Variants in NIPAL2 observed in about 807,000 individuals in gnomAD.
NIPAL2 encodes the protein NIPA-like protein 2.
Under a neutral mutation model 48.9 loss-of-function variants are expected in NIPAL2, and 43 were observed. The observed-to-expected ratio is 0.88, with a 90% CI of 0.69 to 1.13. NIPAL2 has a LOEUF of 1.13. Among genes scored for constraint, NIPAL2 ranks in the 50% most tolerant of loss-of-function variants. The probability of loss-of-function intolerance (pLI) is 0.00; values close to 1 mark genes in which losing one functional copy is unlikely to be tolerated. For synonymous variants in NIPAL2, 167 were observed against 174.6 expected, an observed-to-expected ratio of 0.96 and a Z score of 0.34; for missense variants, 446 against 461.4, an observed-to-expected ratio of 0.97 and a Z score of 0.31.
intron 1 of NIPAL2, among the ~76,000 whole-genome samples, chr8:98,276,534 C>T (rs567534905): frequency 6.6e-6 from 1 of 152,244 alleles, no homozygotes; most frequent in South Asian, 2.1e-4. Context: ...CATCCATGTG[C>T]AGGCTTTTGT....
chr8:98,207,077 C>T (rs1489052975), intron 6 of NIPAL2, among the ~76,000 whole-genome samples: 1 of 152,164 alleles, frequency 6.6e-6, no homozygotes, highest in Non-Finnish European at 1.5e-5. Flanking sequence ...GAAATTAGAA[C>T]ACAGTGTGAT....
chr8:98,262,077 C>G (rs1309064544), intron 1 of NIPAL2, among the ~76,000 whole-genome samples: 2 of 139,810 alleles, frequency 1.4e-5, no homozygotes, highest in Non-Finnish European at 1.5e-5. Flanking sequence ...CAAGCAAATG[C>G]TGAGAGATTT....
chr8:98,221,794 A>C, intron 5 of NIPAL2, among the ~76,000 whole-genome samples: 1 of 152,184 alleles, frequency 6.6e-6, no homozygotes, highest in Admixed American at 6.5e-5. Flanking sequence ...AGGAAACAAC[A>C]AATGCTGGAG....
chr8:98,227,084 G>A (rs1812215018), intron 4 of NIPAL2, among the ~76,000 whole-genome samples: 1 of 152,056 alleles, frequency 6.6e-6, no homozygotes, highest in African/African-American at 2.4e-5. Flanking sequence ...GGTGACATAA[G>A]GCCCAAAGGC....
Position 98,288,402 on chromosome 8 carries a change from G to C in NIPAL2, c.135+5601C>G, listed in dbSNP as rs1163023738. Among the ~76,000 whole-genome samples, 3 of 151,236 alleles carry C rather than the reference G, an allele frequency of 2.0e-5. No homozygotes were observed. In the East Asian group the frequency reaches 5.8e-4, roughly 29 times the overall value. ...TTTTTATGGCTGCATAGTATTCCAT[G>C]GTGTATATATGCCACATTTTCTTAA... is the stretch of plus-strand genomic sequence containing the variant. On this transcript the variant is annotated intron_variant, in intron 1 of 10. Transcript: ENST00000430223.
chr8:98,255,238 T>G (rs1038196428), intron 1 of NIPAL2, among the ~76,000 whole-genome samples: 1 of 152,234 alleles, frequency 6.6e-6, no homozygotes, highest in African/African-American at 2.4e-5. Context: ...CATGTATTAT[T>G]TAACGATTTC....
intron 7 of NIPAL2, 113 bp downstream of exon 7, chr8:98,204,998 C>T (rs1374856827): frequency 1.5e-5 from 17 of 1,168,452 alleles, no homozygotes; most frequent in Non-Finnish European, 2.0e-5. Flanking sequence ...GGCCCTTCAC[C>T]CTTAGAAATC....
At position 98,199,555 on chromosome 8, in the gene NIPAL2, T is replaced by C. The variant is rs1034770685; in HGVS notation, c.881-3550A>G. ...CTGGTCAGTGGAGCATCAGAACACA[T>C]ACATTTATTGATAAGTTGGCAGTCT... On this transcript the variant is annotated intron_variant, in intron 8 of 10. Coordinates refer to ENST00000430223, the MANE Select transcript of NIPAL2 (RefSeq NM_001321635.2). 3.9e-5 allele frequency among the ~76,000 whole-genome samples: 6 copies of C among 152,254 alleles called. No individual in the cohort carries two copies. The South Asian group carries it at 6.2e-4, about 16-fold the overall frequency.
chr8:98,259,069 CCTTTTTTTTTTTT>C (rs1814108040), intron 1 of NIPAL2, among the ~76,000 whole-genome samples: 2 of 89,396 alleles, frequency 2.2e-5, no homozygotes, highest in African/African-American at 9.2e-5. Flanking sequence ...TTTAAATATT[CCTTTTTTTTTTTT>C]TTTTTTTTTT....
At chr8:98,241,421 G>T (rs1383777327) in intron 3 of NIPAL2, among the ~76,000 whole-genome samples, 1 of 152,200 alleles carries the variant, frequency 6.6e-6, no homozygotes, top group East Asian at 1.9e-4. Flanking sequence ...CCCTCACATT[G>T]CTAGAGTCAC....
At chr8:98,199,866 T>C (rs536277435) in intron 8 of NIPAL2, among the ~76,000 whole-genome samples, 51 of 152,314 alleles carry the variant, frequency 3.3e-4, no homozygotes, top group African/African-American at 1.2e-3. Context: ...CCAGGTATTT[T>C]ATGAATTTTT....
chr8:98,228,434 C>T lies in NIPAL2; in HGVS notation c.437-5834G>A, dbSNP rs575677067. On this transcript the variant is annotated intron_variant, in intron 4 of 10. Coordinates refer to ENST00000430223, the MANE Select transcript of NIPAL2 (RefSeq NM_001321635.2). ...TTGGATCCCAGAAGCCTAATCCAAG[C>T]TGAAACTGCCCCCACAAAATTCACA... 1.8e-4 allele frequency among the ~76,000 whole-genome samples: 28 copies of T among 152,298 alleles called. No homozygotes were observed. In the South Asian group the frequency reaches 1.9e-3, roughly 10 times the overall value.
intron 3 of NIPAL2, among the ~76,000 whole-genome samples, chr8:98,246,050 C>T (rs1260283242): frequency 6.6e-6 from 1 of 152,196 alleles, no homozygotes; most frequent in South Asian, 2.1e-4. Flanking sequence ...CTCTAAGGGA[C>T]AAAGAGAATT....
At chr8:98,203,846 C>CTGTGTGTGTGTGTGTGTGTGTGTG (rs143170810) in intron 7 of NIPAL2, among the ~76,000 whole-genome samples, 1 of 146,726 alleles carries the variant, frequency 6.8e-6, no homozygotes, top group African/African-American at 2.5e-5. Flanking sequence ...TGGGTAGAGC[C>CTGTGTGTGTGTGTGTGTGTGTGTG]TGTGTGTGTG....
At chr8:98,197,602 C>T (rs935458482) in intron 8 of NIPAL2, among the ~76,000 whole-genome samples, 10 of 152,210 alleles carry the variant, frequency 6.6e-5, no homozygotes, top group African/African-American at 9.6e-5. Context: ...TTAATCTTCT[C>T]GAACACAGCT....
rs191536289 is a variant in NIPAL2, at chr8:98,250,591, A to C, written c.376+1872T>G. On this transcript the variant is annotated intron_variant, in intron 3 of 10. Coordinates refer to ENST00000430223, the MANE Select transcript of NIPAL2 (RefSeq NM_001321635.2). The stretch of plus-strand genomic sequence containing the variant: ...TTGAGGCTGTAAGTTCACATCTTTG[A>C]ATCACTTCAGATGGACAGAGAGGGA... 1.3e-4 allele frequency among the ~76,000 whole-genome samples: 20 copies of C among 152,330 alleles called. No homozygotes were observed. In the East Asian group the frequency reaches 2.3e-3, roughly 18 times the overall value.
At chr8:98,253,497 A>G (rs1450765188) in intron 2 of NIPAL2, among the ~76,000 whole-genome samples, 2 of 152,236 alleles carry the variant, frequency 1.3e-5, no homozygotes, top group Non-Finnish European at 2.9e-5. Flanking sequence ...AGTTTAGCAA[A>G]TCAGCGATTT....
At chr8:98,200,741 T>C (rs577676110) in intron 8 of NIPAL2, among the ~76,000 whole-genome samples, 40 of 152,206 alleles carry the variant, frequency 2.6e-4, no homozygotes, top group Non-Finnish European at 7.3e-5. Context: ...TCCCCACCAA[T>C]GGTGTACAAA....
intron 5 of NIPAL2, among the ~76,000 whole-genome samples, chr8:98,213,833 C>G (rs1297911913): frequency 6.6e-6 from 1 of 152,174 alleles, no homozygotes; most frequent in Non-Finnish European, 1.5e-5. Context: ...CTTCAGGTTG[C>G]TGTGGAGCAT....
Sources: gnomAD v4.1 joint callset for allele counts (sites outside exome capture counted in the v4.1 genomes callset) on GRCh38, gnomAD v4.1.1 for gene constraint, MANE v1.5 for transcripts, NCBI Gene and HGNC (gene_info 2026-07-23, HGNC 2026-07-21) for gene names.